COL5A2: variants seen among roughly 807,000 people sequenced by gnomAD.
COL5A2 encodes collagen type V alpha 2 chain, also known as collagen alpha-2(V) chain.
A neutral mutation model predicts 208.2 loss-of-function variants in COL5A2; 23 were observed. The ratio of observed to expected loss-of-function variants is 0.11; its 90% CI spans 0.08 to 0.16. The LOEUF (loss-of-function observed/expected upper bound fraction) is 0.16. COL5A2 is among the 10% of genes least tolerant of loss of function. COL5A2 has a pLI of 1.00. For synonymous variants in COL5A2, 625 were observed against 628.5 expected (o/e 0.99, Z 0.08); for missense variants, 1,590 against 1,956.4 (o/e 0.81, Z 3.53).
chr2:189,324,310 C>T, the COL5A2 span, among the ~76,000 whole-genome samples: 1 of 152,154 alleles, frequency 6.6e-6, no homozygotes, highest in East Asian at 1.9e-4. Flanking sequence ...CCAAAATTGA[C>T]AAATGGGATC....
chr2:189,189,063 G>T (rs1455235547), intron 1 of COL5A2, among the ~76,000 whole-genome samples: 2 of 152,040 alleles, frequency 1.3e-5, no homozygotes, highest in Non-Finnish European at 2.9e-5. Flanking sequence ...GCCCTTGAGA[G>T]AAAAACAGAA....
rs746738999 is a variant in COL5A2 at position 189,050,724 on chromosome 2, G to T, written c.2932-48C>A. On this transcript the variant is annotated intron_variant, in intron 42 of 53. Coordinates refer to ENST00000374866, the MANE Select transcript of COL5A2 (RefSeq NM_000393.5). ...ATCAGAAACTATCCAGGGTAAAACT[G>T]TACCCAAGGAATTTACAATAAGTTG... 10 of 1,454,434 alleles carry T rather than the reference G, an allele frequency of 6.9e-6. No individual in the cohort carries two copies. In the African/African-American group the frequency reaches 1.4e-4, roughly 20 times the overall value. The allele number at this position is 1,454,434 out of a possible 1,614,324, so 90.1% of individuals were successfully genotyped here.
chr2:189,201,406 A>G (rs530438855), intron 1 of COL5A2, among the ~76,000 whole-genome samples: 3 of 152,140 alleles, frequency 2.0e-5, no homozygotes, highest in Admixed American at 6.5e-5. Context: ...CAAGTTAAGA[A>G]AATATACAGA....
At chr2:189,313,157 T>C in the COL5A2 span, among the ~76,000 whole-genome samples, 5 of 151,376 alleles carry the variant, frequency 3.3e-5, no homozygotes, top group Non-Finnish European at 7.4e-5. Context: ...CAGACAAAAA[T>C]AGAGAAAAAA....
At chr2:189,043,088 C>T (rs1332909194) in intron 48 of COL5A2, 63 bp downstream of exon 48, 32 of 1,153,738 alleles carry the variant, frequency 2.8e-5, no homozygotes, top group South Asian at 7.7e-5. Context: ...GATAAATGTT[C>T]GTGTCAAGAT....
At position 189,032,801 on chromosome 2, in the gene COL5A2, C is replaced by CT. The variant is rs1302340258; in HGVS notation, c.*1268dup. 6.6e-6 allele frequency: 1 copy of CT among 152,528 alleles called. No individual in the cohort carries two copies. The highest frequency in any genetic ancestry group is 1.5e-5 in the Non-Finnish European group (1 of 68,002). The allele number at this position is 152,528 out of a possible 1,614,324, so 9.4% of individuals were successfully genotyped here. A position where few individuals can be genotyped will look rare whatever the true frequency, so the allele number is the denominator to read the frequency against. Reference sequence around the variant, plus strand: ...GCTCTTTCTTTCAGAAACGGGAAGTCTAACAGTTATGTTTTCACAATGGTA... The same window carrying CT: ...GCTCTTTCTTTCAGAAACGGGAAGTCTTAACAGTTATGTTTTCACAATGGTA... On this transcript the variant is annotated 3_prime_UTR_variant, in exon 54 of 54. Transcript: ENST00000374866.
the COL5A2 span, among the ~76,000 whole-genome samples, chr2:189,235,064 A>T: frequency 2.6e-5 from 4 of 151,690 alleles, no homozygotes; most frequent in African/African-American, 9.7e-5. Context: ...TTTTATACTT[A>T]TACCATATAG....
At position 189,034,096 on chromosome 2, in the gene COL5A2, C is replaced by T; in HGVS notation, c.4474G>A (p.Glu1492Lys). ...TACACAAAACAAACTGGCCCAATTT[C>T]AACGCCGAATTCCTGGTCTGTGCCG... ...VGGTDQEFGV[E>K]IGPVCFV The change falls in exon 54 of 54, where the codon GAA becomes AAA. Residue 1492 changes from glutamate to lysine, a missense_variant. By Grantham distance (56) the Glu-to-Lys change is moderately conservative. Transcript: ENST00000374866. The T allele has an allele frequency of 1.9e-6, 3 of 1,614,002 alleles. No individual in the cohort carries two copies. Among genetic ancestry groups the T allele is most frequent in the East Asian group, 4.5e-5 (2 of 44,876 alleles).
At chr2:189,341,035 TTG>T in the COL5A2 span, among the ~76,000 whole-genome samples, 1 of 152,166 alleles carries the variant, frequency 6.6e-6, no homozygotes, top group Non-Finnish European at 1.5e-5. Context: ...ATAGACTACT[TTG>T]GTGTAAAATA....
the COL5A2 span, among the ~76,000 whole-genome samples, chr2:189,399,856 T>C: frequency 6.6e-6 from 1 of 151,988 alleles, no homozygotes. Flanking sequence ...CATGCCACCA[T>C]GTCTGGCTAA....
the COL5A2 span, among the ~76,000 whole-genome samples, chr2:189,304,672 G>T: frequency 1.3e-5 from 2 of 152,150 alleles, no homozygotes; most frequent in Non-Finnish European, 2.9e-5. Context: ...CCTTCCACTA[G>T]GCCCTAACTT....
intron 7 of COL5A2, among the ~76,000 whole-genome samples, chr2:189,089,915 C>T (rs540400706): frequency 6.5e-4 from 99 of 152,228 alleles, no homozygotes; most frequent in African/African-American, 2.2e-3. Context: ...CCTCCTTATT[C>T]CCTGAGACAC....
At chr2:189,218,973 A>AT (rs1159296322) in intron 1 of COL5A2, among the ~76,000 whole-genome samples, 1 of 152,162 alleles carries the variant, frequency 6.6e-6, no homozygotes, top group Non-Finnish European at 1.5e-5. Flanking sequence ...TGCTTGTTTT[A>AT]TGCATTTTGA....
At chr2:189,398,087 A>G in the COL5A2 span, among the ~76,000 whole-genome samples, 5 of 152,146 alleles carry the variant, frequency 3.3e-5, no homozygotes, top group African/African-American at 1.2e-4. Flanking sequence ...CCAATCACTT[A>G]GAAATTTTCT....
In COL5A2 at chr2:189,072,067, A is replaced by G; in HGVS notation, c.1131T>C (p.Ser377=). ...TCATTCCAGGATTTCCTGGAAAACC[A>G]GAAGAGCCTGGTATCCCAAGAGGAC... ...PMGPLGIPGS[S]GFPGNPGMKG... The change falls in exon 18 of 54, where the codon TCT becomes TCC. Residue 377 remains serine, a synonymous_variant. Coordinates refer to ENST00000374866, the MANE Select transcript of COL5A2 (RefSeq NM_000393.5). 6.2e-7 allele frequency: 1 copy of G among 1,609,132 alleles called. No individual in the cohort carries two copies. The highest frequency in any genetic ancestry group is 1.3e-5 in the African/African-American group (1 of 74,942).
chr2:189,349,791 G>A, the COL5A2 span, among the ~76,000 whole-genome samples: 1 of 152,060 alleles, frequency 6.6e-6, no homozygotes, highest in African/African-American at 2.4e-5. Flanking sequence ...TTTAAAAGTA[G>A]CATCACAAAA....
Position 189,034,141 on chromosome 2 carries a change from G to T in COL5A2, c.4429C>A (p.Leu1477Ile). 2 of 1,613,998 alleles carry T rather than the reference G, an allele frequency of 1.2e-6. No homozygotes were observed. Among genetic ancestry groups the T allele is most frequent in the South Asian group, 1.1e-5 (1 of 91,082 alleles). The change falls in exon 54 of 54, where the codon CTT (leucine) becomes ATT (isoleucine). Residue 1477 changes from leucine (L) to isoleucine (I), a missense_variant. Physicochemically the swap from Leu to Ile is conservative, Grantham distance 5. Transcript: ENST00000374866. ...GTGCCGCCAACATCCACAGGAGCAAGATCTATGATGGGCAAGCGTGCCACA... is the reference window on the plus strand; with the variant it reads ...GTGCCGCCAACATCCACAGGAGCAATATCTATGATGGGCAAGCGTGCCACA... ...QNVARLPIID[L>I]APVDVGGTDQ...
At chr2:189,437,014 A>T in the COL5A2 span, among the ~76,000 whole-genome samples, 1 of 152,110 alleles carries the variant, frequency 6.6e-6, no homozygotes, top group South Asian at 2.1e-4. Flanking sequence ...CTTAAAATAA[A>T]AGTTGATTTA....
the COL5A2 span, among the ~76,000 whole-genome samples, chr2:189,412,247 G>A: frequency 0.8 from 122,055 of 152,058 alleles, 50,467 homozygotes; most frequent in Non-Finnish European, 0.91. Context: ...CCTAACGTTC[G>A]TGAAATGTTT....
Sources: gnomAD v4.1 joint callset for allele counts (sites outside exome capture counted in the v4.1 genomes callset) on GRCh38, gnomAD v4.1.1 for gene constraint, MANE v1.5 for transcripts, NCBI Gene and HGNC (gene_info 2026-07-23, HGNC 2026-07-21) for gene names.